Variants in NTRK2 observed in about 807,000 individuals in gnomAD.
NTRK2 encodes the protein neurotrophic receptor tyrosine kinase 2.
A neutral mutation model predicts 94.5 loss-of-function variants in NTRK2; 13 were observed. That is an observed-to-expected ratio of 0.14 (90% confidence interval 0.09 to 0.22). The LOEUF is 0.22. NTRK2 is among the 10% of genes least tolerant of loss of function. The pLI is 1.00. For synonymous variants in NTRK2, 372 were observed against 407.4 expected, an observed-to-expected ratio of 0.91 and a Z score of 1.05; for missense variants, 639 against 1,071.2, an observed-to-expected ratio of 0.60 and a Z score of 5.63.
intron 4 of NTRK2, among the ~76,000 whole-genome samples, chr9:84,707,031 G>A (rs371752475): frequency 6.6e-6 from 1 of 152,286 alleles, no homozygotes; most frequent in East Asian, 1.9e-4. Flanking sequence ...AATTTAAACA[G>A]TAAACAAATT....
At chr9:84,706,413 CA>C (rs1275477028) in intron 4 of NTRK2, among the ~76,000 whole-genome samples, 1 of 151,886 alleles carries the variant, frequency 6.6e-6, no homozygotes, top group Non-Finnish European at 1.5e-5. Context: ...ACTGATCAAA[CA>C]CACTAGGATA....
rs550495788 is a variant in NTRK2 at position 84,713,564 on chromosome 9, G to A, written c.583+2773G>A. Among the ~76,000 whole-genome samples, 17 of 151,846 alleles carry A rather than the reference G, an allele frequency of 1.1e-4. No individual in the cohort carries two copies. In the East Asian group the frequency reaches 3.1e-3, roughly 28 times the overall value. On this transcript the variant is annotated intron_variant, in intron 6 of 18. Transcript: ENST00000277120. ...TTTTGGTGTGATTGTTCTTTTTGCTGGAGTATATCTTCTAATACTTCTTTC... is the reference window on the plus strand; with the variant it reads ...TTTTGGTGTGATTGTTCTTTTTGCTAGAGTATATCTTCTAATACTTCTTTC...
intron 14 of NTRK2, among the ~76,000 whole-genome samples, chr9:84,920,510 G>A (rs75987530): frequency 9.9e-5 from 15 of 152,024 alleles, no homozygotes; most frequent in South Asian, 2.1e-4. Context: ...CACTCCTTCC[G>A]TCTGTTGCAC....
intron 12 of NTRK2, among the ~76,000 whole-genome samples, chr9:84,756,499 C>T (rs966676140): frequency 2.0e-4 from 30 of 152,214 alleles, no homozygotes; most frequent in African/African-American, 6.8e-4. Flanking sequence ...GAGGAGGGAG[C>T]TTGGCATTCA....
chr9:84,678,375 A>G (rs185472277), intron 2 of NTRK2, among the ~76,000 whole-genome samples: 3 of 152,334 alleles, frequency 2.0e-5, no homozygotes, highest in African/African-American at 7.2e-5. Flanking sequence ...ACATAAACGA[A>G]CAATGTAAAC....
chr9:84,907,960 T>C (rs1022934238), intron 14 of NTRK2, among the ~76,000 whole-genome samples: 1 of 152,234 alleles, frequency 6.6e-6, no homozygotes, highest in African/African-American at 2.4e-5. Flanking sequence ...CCCCTGAAGA[T>C]GTCCTCTAGA....
intron 12 of NTRK2, among the ~76,000 whole-genome samples, chr9:84,843,897 A>G (rs1217837144): frequency 6.6e-6 from 1 of 152,224 alleles, no homozygotes; most frequent in Non-Finnish European, 1.5e-5. Flanking sequence ...TCAGGAAGGC[A>G]TCCTGAAAGA....
At position 84,727,683 on chromosome 9, in the gene NTRK2, C is replaced by G; in HGVS notation, c.883C>G (p.Pro295Ala). ...FAPTITFLES[P>A]TSDHHWCIPF... ...ACCAACTATCACATTTCTCGAATCT[C>G]CAACCTCAGACCACCACTGGTGCAT... is the stretch of plus-strand genomic sequence containing the variant. Residue 295 changes from proline to alanine, a missense_variant, in exon 9 of 19, where the codon CCA becomes GCA. Pro to Ala is a conservative substitution (Grantham distance 27). Transcript: ENST00000277120. 1 of 1,613,028 alleles carries G rather than the reference C, an allele frequency of 6.2e-7. No individual in the cohort carries two copies. Among genetic ancestry groups the G allele is most frequent in the Non-Finnish European group, 8.5e-7 (1 of 1,179,980 alleles).
intron 12 of NTRK2, among the ~76,000 whole-genome samples, chr9:84,777,269 A>T (rs1161767286): frequency 2.0e-5 from 3 of 152,212 alleles, no homozygotes; most frequent in Non-Finnish European, 2.9e-5. Context: ...TCTCAAGATG[A>T]GAGATGTGAC....
intron 12 of NTRK2, among the ~76,000 whole-genome samples, chr9:84,859,979 T>A (rs1196952729): frequency 1.3e-5 from 2 of 152,196 alleles, no homozygotes; most frequent in African/African-American, 4.8e-5. Flanking sequence ...GGGCTGAAGT[T>A]GTAGGATACG....
intron 12 of NTRK2, among the ~76,000 whole-genome samples, chr9:84,754,212 C>T (rs1370010930): frequency 2.0e-5 from 3 of 151,796 alleles, no homozygotes; most frequent in Admixed American, 6.6e-5. Context: ...AAATGGCTTC[C>T]TACAGCAGTA....
chr9:84,893,937 CAA>C (rs1383398026), intron 14 of NTRK2, among the ~76,000 whole-genome samples: 3 of 152,084 alleles, frequency 2.0e-5, no homozygotes, highest in African/African-American at 7.2e-5. Flanking sequence ...CATTCAGGAA[CAA>C]AGAGAGGGTA....
Position 85,020,201 on chromosome 9 carries a change from C to T in NTRK2, c.2173-5C>T, listed in dbSNP as rs2117927006. On this transcript the variant is annotated splice_region_variant and splice_polypyrimidine_tract_variant and intron_variant, in intron 17 of 18. Coordinates refer to ENST00000277120, the MANE Select transcript of NTRK2 (RefSeq NM_006180.6). ...ATGCCTCCCTGTTGATCCCTTTCTC[C>T]CCAGGTCGGTGGCCACACAATGCTG... The T allele has an allele frequency of 6.2e-7, 1 of 1,614,012 alleles. No homozygotes were observed. Among genetic ancestry groups the T allele is most frequent in the Non-Finnish European group, 8.5e-7 (1 of 1,179,982 alleles).
chr9:85,020,515 T>G, intron 18 of NTRK2, 151 bp downstream of exon 18: 1 of 790,910 alleles, frequency 1.3e-6, no homozygotes, highest in Non-Finnish European at 2.1e-6. Context: ...CCTGCTATGT[T>G]TCTAAATTTC....
At chr9:84,910,785 T>G (rs1479335607) in intron 14 of NTRK2, among the ~76,000 whole-genome samples, 1 of 152,220 alleles carries the variant, frequency 6.6e-6, no homozygotes, top group Non-Finnish European at 1.5e-5. Flanking sequence ...ATTGTAGCTA[T>G]ATAAGCTTTA....
intron 6 of NTRK2, among the ~76,000 whole-genome samples, chr9:84,712,974 T>A (rs1439048): frequency 6.6e-6 from 1 of 151,998 alleles, no homozygotes; most frequent in Non-Finnish European, 1.5e-5. Context: ...AAGTGCAAAG[T>A]TTTTTCTAGA....
intron 12 of NTRK2, among the ~76,000 whole-genome samples, chr9:84,783,427 G>C (rs1161303632): frequency 7.2e-5 from 11 of 152,196 alleles, no homozygotes; most frequent in African/African-American, 2.7e-4. Context: ...CATCCCTGAA[G>C]GGTTAGTATC....
At chr9:84,717,945 A>G (rs1183060194) in intron 6 of NTRK2, among the ~76,000 whole-genome samples, 1 of 152,052 alleles carries the variant, frequency 6.6e-6, no homozygotes, top group Non-Finnish European at 1.5e-5. Context: ...AGAACTTTTA[A>G]TTTTCTAATG....
chr9:84,762,449 A>G (rs2065661905), intron 12 of NTRK2, among the ~76,000 whole-genome samples: 1 of 152,252 alleles, frequency 6.6e-6, no homozygotes, highest in Admixed American at 6.5e-5. Context: ...TCCATAGCCC[A>G]AAAGACATAA....
Sources: gnomAD v4.1 joint callset for allele counts (sites outside exome capture counted in the v4.1 genomes callset) on GRCh38, gnomAD v4.1.1 for gene constraint, MANE v1.5 for transcripts, NCBI Gene and HGNC (gene_info 2026-07-23, HGNC 2026-07-21) for gene names.